Variants in HS6ST3 observed in about 807,000 individuals in gnomAD.
HS6ST3 encodes the protein heparan-sulfate 6-O-sulfotransferase 3.
Under a neutral mutation model 36.7 loss-of-function variants are expected in HS6ST3, and 12 were observed. The observed-to-expected ratio is 0.33, with a 90% CI of 0.21 to 0.53. The LOEUF (loss-of-function observed/expected upper bound fraction) is 0.53, where lower values mean the gene tolerates loss of function less well. HS6ST3 is among the 20% of genes least tolerant of loss of function. The pLI is 0.95. For missense variants in HS6ST3, 584 were observed against 640.9 expected, an observed-to-expected ratio of 0.91 and a Z score of 0.96; for synonymous variants, 240 against 257.5, an observed-to-expected ratio of 0.93 and a Z score of 0.65.
chr13:96,090,753 A>C lies in HS6ST3; in HGVS notation c.-110A>C. The C allele has an allele frequency of 1.2e-6, 1 of 832,444 alleles. No individual in the cohort carries two copies. The highest frequency in any genetic ancestry group is 1.6e-6 in the Non-Finnish European group (1 of 627,622). The allele number at this position is 832,444 out of a possible 1,614,324, so 51.6% of individuals were successfully genotyped here. A position where few individuals can be genotyped will look rare whatever the true frequency, so the allele number is the denominator to read the frequency against. Reference sequence around the variant, plus strand: ...GCCTCGGCGTCAGGGGCATGGAGGAACGGCGGGCTCCGAGCCGCGCCCCGG... The same window carrying C: ...GCCTCGGCGTCAGGGGCATGGAGGACCGGCGGGCTCCGAGCCGCGCCCCGG... On this transcript the variant is annotated 5_prime_UTR_variant, in exon 1 of 2. Coordinates refer to ENST00000376705, the MANE Select transcript of HS6ST3 (RefSeq NM_153456.4).
At position 96,298,168 on chromosome 13, in the gene HS6ST3, C is replaced by T. The variant is rs150034600; in HGVS notation, c.707+206599C>T. 7.2e-4 allele frequency among the ~76,000 whole-genome samples: 109 copies of T among 152,216 alleles called. 2 individuals carry two copies. The highest frequency in any genetic ancestry group is 2.5e-3 in the African/African-American group (104 of 41,552). Reference sequence around the variant, plus strand: ...TGGTCCAGCTTGCTAGATTTACATACAGAGAGCTGTCTTATTTAATAGTAG... The same window carrying T: ...TGGTCCAGCTTGCTAGATTTACATATAGAGAGCTGTCTTATTTAATAGTAG... On this transcript the variant is annotated intron_variant, in intron 1 of 1. Transcript: ENST00000376705.
At chr13:96,767,478 G>A (rs1235506931) in intron 1 of HS6ST3, among the ~76,000 whole-genome samples, 1 of 152,220 alleles carries the variant, frequency 6.6e-6, no homozygotes. Flanking sequence ...TGTATGTGTT[G>A]TGTAGGGTAG....
intron 1 of HS6ST3, among the ~76,000 whole-genome samples, chr13:96,829,151 T>A (rs966725091): frequency 2.6e-5 from 4 of 152,146 alleles, no homozygotes; most frequent in African/African-American, 9.7e-5. Context: ...AAATCAATGT[T>A]AAATTTTCTT....
chr13:96,289,798 C>T (rs1312827503), intron 1 of HS6ST3, among the ~76,000 whole-genome samples: 1 of 151,994 alleles, frequency 6.6e-6, no homozygotes, highest in Non-Finnish European at 1.5e-5. Flanking sequence ...GTATGTTTTC[C>T]AAGGAAGTAG....
chr13:96,365,755 A>G (rs2055259671), intron 1 of HS6ST3, among the ~76,000 whole-genome samples: 1 of 152,186 alleles, frequency 6.6e-6, no homozygotes, highest in African/African-American at 2.4e-5. Context: ...AGTTTATCAG[A>G]CTAGGAACCA....
At chr13:96,165,815 G>C (rs921928190) in intron 1 of HS6ST3, among the ~76,000 whole-genome samples, 2 of 152,092 alleles carry the variant, frequency 1.3e-5, no homozygotes, top group African/African-American at 4.8e-5. Flanking sequence ...TGAAGAATAC[G>C]GTCCTCCCTT....
At chr13:96,241,510 T>A (rs2054559884) in intron 1 of HS6ST3, among the ~76,000 whole-genome samples, 1 of 151,976 alleles carries the variant, frequency 6.6e-6, no homozygotes, top group South Asian at 2.1e-4. Flanking sequence ...CAAAATATGT[T>A]ACATTGGGTT....
At chr13:96,209,048 A>G (rs1327634) in intron 1 of HS6ST3, among the ~76,000 whole-genome samples, 75,566 of 152,044 alleles carry the variant, frequency 0.5, 18,952 homozygotes, top group Admixed American at 0.58. Context: ...CGGATTTTGA[A>G]TTTGGCTTGG....
chr13:96,740,394 A>G (rs984955779), intron 1 of HS6ST3, among the ~76,000 whole-genome samples: 1 of 152,166 alleles, frequency 6.6e-6, no homozygotes, highest in Non-Finnish European at 1.5e-5. Context: ...AGGAAGGGAA[A>G]CATACCATTT....
chr13:96,094,025 G>A (rs148669540), intron 1 of HS6ST3, among the ~76,000 whole-genome samples: 32 of 152,074 alleles, frequency 2.1e-4, no homozygotes, highest in Non-Finnish European at 3.5e-4. Flanking sequence ...CCCCCAAAGC[G>A]CCTCCTCCCA....
intron 1 of HS6ST3, among the ~76,000 whole-genome samples, chr13:96,549,321 G>A (rs540391934): frequency 2.8e-4 from 43 of 152,200 alleles, no homozygotes; most frequent in African/African-American, 6.5e-4. Flanking sequence ...GAATGCAAGC[G>A]TTCATCTATT....
intron 1 of HS6ST3, among the ~76,000 whole-genome samples, chr13:96,181,903 G>A (rs2054241838): frequency 6.6e-6 from 1 of 152,102 alleles, no homozygotes; most frequent in Non-Finnish European, 1.5e-5. Flanking sequence ...TTTACTTGAT[G>A]ATTTTTACGC....
chr13:96,168,988 C>T (rs1376901587), intron 1 of HS6ST3, among the ~76,000 whole-genome samples: 1 of 152,112 alleles, frequency 6.6e-6, no homozygotes, highest in East Asian at 1.9e-4. Context: ...GATTATTGCT[C>T]TCCACCCCAT....
intron 1 of HS6ST3, among the ~76,000 whole-genome samples, chr13:96,506,256 A>G (rs1210776423): frequency 1.3e-5 from 2 of 152,086 alleles, no homozygotes; most frequent in East Asian, 3.9e-4. Context: ...ACTTTTAATT[A>G]TTTTTCCATT....
chr13:96,538,929 T>G (rs1334429737), intron 1 of HS6ST3, among the ~76,000 whole-genome samples: 2 of 152,314 alleles, frequency 1.3e-5, no homozygotes, highest in South Asian at 2.1e-4. Flanking sequence ...GCGTTTCCAA[T>G]TGTCTATTGA....
chr13:96,568,101 G>C (rs936604490), intron 1 of HS6ST3, among the ~76,000 whole-genome samples: 1 of 152,196 alleles, frequency 6.6e-6, no homozygotes, highest in Admixed American at 6.5e-5. Context: ...TATGACCTCG[G>C]AGTTAACACT....
chr13:96,699,222 AT>A (rs1332569708), intron 1 of HS6ST3, among the ~76,000 whole-genome samples: 5 of 152,214 alleles, frequency 3.3e-5, no homozygotes, highest in Non-Finnish European at 7.3e-5. Flanking sequence ...ACCAAAAGCA[AT>A]GGTAACAAAA....
At chr13:96,115,527 C>T (rs916147251) in intron 1 of HS6ST3, among the ~76,000 whole-genome samples, 1 of 152,126 alleles carries the variant, frequency 6.6e-6, no homozygotes, top group Admixed American at 6.5e-5. Context: ...TGTTAGTTTG[C>T]TGAGGATGAT....
intron 1 of HS6ST3, among the ~76,000 whole-genome samples, chr13:96,603,625 T>C (rs9584395): frequency 1.5e-3 from 222 of 152,312 alleles, no homozygotes; most frequent in African/African-American, 5.1e-3. Context: ...TTAGTTGCAA[T>C]AGATTCTGCT....
Sources: gnomAD v4.1 joint callset for allele counts (sites outside exome capture counted in the v4.1 genomes callset) on GRCh38, gnomAD v4.1.1 for gene constraint, MANE v1.5 for transcripts, NCBI Gene and HGNC (gene_info 2026-07-23, HGNC 2026-07-21) for gene names.